Variants in ANKS1B observed in about 807,000 individuals in gnomAD.
ANKS1B encodes the protein ankyrin repeat and sterile alpha motif domain-containing protein 1B.
A neutral mutation model predicts 148.3 loss-of-function variants in ANKS1B; 36 were observed. The observed-to-expected ratio is 0.24, with a 90% CI of 0.19 to 0.32. The LOEUF is 0.32. Among genes scored for constraint, ANKS1B ranks in the 10% least tolerant of loss-of-function variants. The pLI is 1.00. For missense variants in ANKS1B, 1,157 were observed against 1,542.6 expected (o/e 0.75, Z 4.19); for synonymous variants, 542 against 560.8 (o/e 0.97, Z 0.47).
At chr12:98,893,691 C>T (rs978385564) in intron 17 of ANKS1B, 12 of 152,240 alleles carry the variant, frequency 7.9e-5, no homozygotes, top group African/African-American at 2.7e-4. Context: ...CCAACGTGCC[C>T]GGCGCACATA....
downstream of ANKS1B, among the ~76,000 whole-genome samples, chr12:98,742,079 A>C (rs566193353): frequency 2.9e-4 from 44 of 152,376 alleles, no homozygotes; most frequent in Admixed American, 2.2e-3. Flanking sequence ...ATGAGACAGA[A>C]CTTCAAGATG....
chr12:99,146,780 T>C, intron 15 of ANKS1B, among the ~76,000 whole-genome samples: 1 of 152,124 alleles, frequency 6.6e-6, no homozygotes, highest in East Asian at 1.9e-4. Flanking sequence ...CCTCCTCTCA[T>C]TAAACATTTC....
rs761170546 is a variant in ANKS1B at position 99,443,811 on chromosome 12, T to C, written c.1439-2A>G. 1 of 1,608,624 alleles carries C rather than the reference T, an allele frequency of 6.2e-7. No homozygotes were observed. Among genetic ancestry groups the C allele is most frequent in the Non-Finnish European group, 8.5e-7 (1 of 1,177,208 alleles). On this transcript the variant is annotated splice_acceptor_variant, in intron 10 of 26. Transcript: ENST00000683438. LOFTEE classifies it high-confidence loss of function. ...TAACTGCTACCTCAGAGGCATTATC[T>C]GTGAATAAAAATAGAACTGCCATGA...
At chr12:99,039,116 A>T (rs925905738) in intron 17 of ANKS1B, among the ~76,000 whole-genome samples, 2 of 152,250 alleles carry the variant, frequency 1.3e-5, no homozygotes, top group African/African-American at 2.4e-5. Context: ...TAAATACTAC[A>T]TATACTTCTT....
At position 99,832,724 on chromosome 12, in the gene ANKS1B, T is replaced by TA. The variant is rs554760513; in HGVS notation, c.135-7336dup. ...GGATGACAGAGAGAGACTCCATCTTTAAAAAAAAAAGAGAGAGAGAGAGAG... is the reference window on the plus strand; with the variant it reads ...GGATGACAGAGAGAGACTCCATCTTTAAAAAAAAAAAGAGAGAGAGAGAGAG... On this transcript the variant is annotated intron_variant, in intron 1 of 26. Coordinates refer to ENST00000683438, the MANE Select transcript of ANKS1B (RefSeq NM_001352186.2). 4.5e-3 allele frequency among the ~76,000 whole-genome samples: 606 copies of TA among 135,814 alleles called. 4 individuals carry two copies. The highest frequency in any genetic ancestry group is 0.01 in the Admixed American group (136 of 13,450). The allele number at this position is 135,814 out of a possible 152,430, so 89.1% of individuals were successfully genotyped here.
intron 14 of ANKS1B, among the ~76,000 whole-genome samples, chr12:99,218,111 T>C (rs886460061): frequency 6.6e-6 from 1 of 152,136 alleles, no homozygotes; most frequent in Non-Finnish European, 1.5e-5. Context: ...CTAGAGGCCA[T>C]ATTAACACCA....
At chr12:99,211,715 T>G (rs1057434405) in intron 14 of ANKS1B, among the ~76,000 whole-genome samples, 4 of 152,214 alleles carry the variant, frequency 2.6e-5, no homozygotes, top group African/African-American at 9.6e-5. Context: ...GTTGAACACA[T>G]GACATCAAGT....
rs575945997 is a variant in ANKS1B, at chr12:99,979,457, C to T, written c.134+4647G>A. Among the ~76,000 whole-genome samples, 319 of 152,150 alleles carry T rather than the reference C, an allele frequency of 2.1e-3. 2 individuals are homozygous for T. Among genetic ancestry groups the T allele is most frequent in the African/African-American group, 7.3e-3 (302 of 41,540 alleles). ...CTAATTCTTCCCAACTTTTATTTTGCTTCTATTTTCCCTATTGAGAACCAT... is the reference window on the plus strand; with the variant it reads ...CTAATTCTTCCCAACTTTTATTTTGTTTCTATTTTCCCTATTGAGAACCAT... On this transcript the variant is annotated intron_variant, in intron 1 of 26. Transcript: ENST00000683438.
intron 9 of ANKS1B, among the ~76,000 whole-genome samples, chr12:99,627,548 C>G (rs1350275170): frequency 6.6e-6 from 1 of 152,150 alleles, no homozygotes; most frequent in Admixed American, 6.5e-5. Flanking sequence ...TGCCAAACAA[C>G]TCACATTTGC....
rs569632331 is a variant in ANKS1B, at chr12:99,217,980, A to G, written c.2419+26362T>C. ...ACTATATAGGCTATCTTCTAAGCCCAATGTTAAGACAAGGGCACAGAGATT... is the reference window on the plus strand; with the variant it reads ...ACTATATAGGCTATCTTCTAAGCCCGATGTTAAGACAAGGGCACAGAGATT... On this transcript the variant is annotated intron_variant, in intron 14 of 26. Transcript: ENST00000683438. Among the ~76,000 whole-genome samples, 5 of 152,284 alleles carry G rather than the reference A, an allele frequency of 3.3e-5. No individual in the cohort carries two copies. The East Asian group carries it at 9.7e-4, about 29-fold the overall frequency.
chr12:99,976,356 T>A (rs1005538877), intron 1 of ANKS1B, among the ~76,000 whole-genome samples: 1 of 152,328 alleles, frequency 6.6e-6, no homozygotes, highest in African/African-American at 2.4e-5. Context: ...AAATTTTTTT[T>A]AAATATTCAG....
rs114198283 is a variant in ANKS1B at position 99,848,248 on chromosome 12, T to A, written c.135-22859A>T. ...GTGGGCAGTCACAGTGTATGAGGCA[T>A]CAGTTTTCAGTTTCCTCCTTGTCCC... On this transcript the variant is annotated intron_variant, in intron 1 of 26. Transcript: ENST00000683438. 4.1e-3 allele frequency among the ~76,000 whole-genome samples: 631 copies of A among 152,170 alleles called. 4 individuals carry two copies. Among genetic ancestry groups the A allele is most frequent in the African/African-American group, 0.015 (602 of 41,512 alleles).
chr12:99,849,110 G>GCAT (rs2087234869), intron 1 of ANKS1B, among the ~76,000 whole-genome samples: 2 of 152,074 alleles, frequency 1.3e-5, no homozygotes, highest in Non-Finnish European at 2.9e-5. Flanking sequence ...CTACCTGGAT[G>GCAT]ATGGATTCAT....
At chr12:99,072,522 G>T (rs567034609) in intron 16 of ANKS1B, among the ~76,000 whole-genome samples, 1 of 152,218 alleles carries the variant, frequency 6.6e-6, no homozygotes, top group East Asian at 1.9e-4. Context: ...AAGCTCAAGA[G>T]AGTTATTTTT....
At chr12:99,161,239 G>T (rs1426638598) in intron 14 of ANKS1B, among the ~76,000 whole-genome samples, 1 of 152,144 alleles carries the variant, frequency 6.6e-6, no homozygotes, top group South Asian at 2.1e-4. Flanking sequence ...GCCTAAACGT[G>T]TTATCAAAAT....
intron 12 of ANKS1B, among the ~76,000 whole-genome samples, chr12:99,387,713 C>G (rs944861854): frequency 3.9e-5 from 6 of 151,946 alleles, no homozygotes; most frequent in African/African-American, 1.5e-4. Context: ...CTCACCAGAA[C>G]CAAATCTGCT....
rs985480702 is a variant in ANKS1B, at chr12:99,108,047, C to A, written c.2527-23024G>T. Reference sequence around the variant, plus strand: ...AAAGAATAAAGAATAGGTTCATTTTCTTACAGATTAAGAGATGTGAGGCTC... The same window carrying A: ...AAAGAATAAAGAATAGGTTCATTTTATTACAGATTAAGAGATGTGAGGCTC... On this transcript the variant is annotated intron_variant, in intron 15 of 26. Coordinates refer to ENST00000683438, the MANE Select transcript of ANKS1B (RefSeq NM_001352186.2). Among the ~76,000 whole-genome samples, 3 of 152,274 alleles carry A rather than the reference C, an allele frequency of 2.0e-5. No individual in the cohort carries two copies. The South Asian group carries it at 6.2e-4, about 32-fold the overall frequency.
At chr12:99,234,926 A>G (rs2087613191) in intron 14 of ANKS1B, among the ~76,000 whole-genome samples, 1 of 152,184 alleles carries the variant, frequency 6.6e-6, no homozygotes, top group Non-Finnish European at 1.5e-5. Context: ...AACTAGCCTA[A>G]TGGCCAAGTG....
intron 1 of ANKS1B, among the ~76,000 whole-genome samples, chr12:99,888,508 G>T (rs1350320052): frequency 6.6e-6 from 1 of 152,160 alleles, no homozygotes; most frequent in Non-Finnish European, 1.5e-5. Context: ...GAGATAGCAA[G>T]GGCTACTGAC....
Sources: allele counts gnomAD v4.1 joint callset (sites outside exome capture counted in the v4.1 genomes callset), GRCh38; gene constraint gnomAD v4.1.1; transcripts MANE v1.5; gene names NCBI Gene and HGNC (gene_info 2026-07-23, HGNC 2026-07-21).